Variants in COL21A1 observed in about 807,000 individuals in gnomAD.
The protein encoded by COL21A1 is collagen alpha-1(XXI) chain.
COL21A1 carries 149 observed loss-of-function variants against 137.9 expected under a neutral mutation model. The observed-to-expected ratio is 1.08, with a 90% CI of 0.95 to 1.24. COL21A1 has a LOEUF of 1.24. Among genes scored for constraint, COL21A1 ranks in the 50% most tolerant of loss-of-function variants. The pLI is 0.00. For synonymous variants in COL21A1, 456 were observed against 391.5 expected (o/e 1.16, Z -1.95); for missense variants, 1,167 against 1,158.4 (o/e 1.01, Z -0.11).
intron 7 of COL21A1, 72 bp downstream of exon 7, chr6:56,166,834 T>G (rs1393711169): frequency 9.4e-7 from 1 of 1,067,218 alleles, no homozygotes; most frequent in African/African-American, 1.6e-5. Context: ...ACTCAGATAG[T>G]ATCTGCTTTT....
chr6:56,343,592 C>T (rs1765518097), intron 1 of COL21A1, among the ~76,000 whole-genome samples: 1 of 152,142 alleles, frequency 6.6e-6, no homozygotes, highest in Non-Finnish European at 1.5e-5. Context: ...GAAGTTACTT[C>T]AGCTTGTCTC....
chr6:56,140,466 G>T (rs1173518145), intron 12 of COL21A1, among the ~76,000 whole-genome samples: 1 of 152,106 alleles, frequency 6.6e-6, no homozygotes, highest in Non-Finnish European at 1.5e-5. Context: ...AAATTATTCT[G>T]GGAAAATGTC....
intron 1 of COL21A1, among the ~76,000 whole-genome samples, chr6:56,253,335 A>G (rs1375415276): frequency 7.2e-6 from 1 of 138,776 alleles, no homozygotes; most frequent in African/African-American, 2.5e-5. Flanking sequence ...CAGTGTCCAC[A>G]TGGGACTGGT....
At chr6:56,376,162 G>A (rs1485509563) in intron 1 of COL21A1, among the ~76,000 whole-genome samples, 1 of 152,150 alleles carries the variant, frequency 6.6e-6, no homozygotes, top group African/African-American at 2.4e-5. Context: ...GGTTTTAAGA[G>A]GAAAAAACTA....
At chr6:56,182,442 G>A (rs1465996597) in intron 2 of COL21A1, 89 bp downstream of exon 2, 1 of 800,842 alleles carries the variant, frequency 1.2e-6, no homozygotes, top group Non-Finnish European at 2.1e-6. Flanking sequence ...GTAAGAATGA[G>A]ATCCTTAAAA....
chr6:56,197,528 T>C (rs1779102357), intron 1 of COL21A1, among the ~76,000 whole-genome samples: 1 of 151,968 alleles, frequency 6.6e-6, no homozygotes, highest in Admixed American at 6.6e-5. Context: ...AAAAAACTGA[T>C]TAAAGGATAG....
chr6:56,344,727 C>T (rs56948015), intron 1 of COL21A1, among the ~76,000 whole-genome samples: 13 of 151,788 alleles, frequency 8.6e-5, no homozygotes, highest in African/African-American at 3.1e-4. Flanking sequence ...AGATTTCCCC[C>T]TTGCTGTTCT....
At chr6:56,315,870 CA>C (rs541234127) in intron 1 of COL21A1, among the ~76,000 whole-genome samples, 2 of 151,678 alleles carry the variant, frequency 1.3e-5, no homozygotes, top group African/African-American at 2.4e-5. Flanking sequence ...AATTTCACCA[CA>C]AAAAAAAGAT....
chr6:56,077,613 T>G (rs554764384), intron 17 of COL21A1, 40 bp from the exon 18 acceptor site: 1 of 1,262,326 alleles, frequency 7.9e-7, no homozygotes, highest in Admixed American at 2.3e-5. Context: ...TATAAAAAAT[T>G]GAAGACTTTA....
chr6:56,391,018 C>T (rs979484043), intron 1 of COL21A1, among the ~76,000 whole-genome samples: 1 of 152,176 alleles, frequency 6.6e-6, no homozygotes, highest in African/African-American at 2.4e-5. Flanking sequence ...GCCAAATACA[C>T]ATTCTTCTCC....
At chr6:56,087,364 A>G (rs1768366081) in intron 17 of COL21A1, among the ~76,000 whole-genome samples, 1 of 152,138 alleles carries the variant, frequency 6.6e-6, no homozygotes, top group Non-Finnish European at 1.5e-5. Context: ...GGTCCTCCTT[A>G]TTATACAATC....
At chr6:56,301,040 G>C (rs1326362965) in intron 1 of COL21A1, among the ~76,000 whole-genome samples, 1 of 152,128 alleles carries the variant, frequency 6.6e-6, no homozygotes, top group African/African-American at 2.4e-5. Context: ...GAGGTGGATA[G>C]AAAAGCACAT....
In COL21A1 at chr6:56,238,659, T is replaced by C. The variant is rs369701373; in HGVS notation, c.-39+8728A>G. On this transcript the variant is annotated intron_variant, in intron 1 of 29. Transcript: ENST00000244728. ...GCTTCTGATAGAGCTGCCACTGCCCTGCCACCTTCAGCAGATACCTTTCTC... is the reference window on the plus strand; with the variant it reads ...GCTTCTGATAGAGCTGCCACTGCCCCGCCACCTTCAGCAGATACCTTTCTC... Among the ~76,000 whole-genome samples, 43 of 152,160 alleles carry C rather than the reference T, an allele frequency of 2.8e-4. 1 individual carries two copies. In the South Asian group the frequency reaches 8.7e-3, roughly 31 times the overall value.
chr6:56,278,701 T>G (rs536122543), intron 1 of COL21A1, among the ~76,000 whole-genome samples: 2 of 152,192 alleles, frequency 1.3e-5, no homozygotes, highest in Non-Finnish European at 2.9e-5. Context: ...CACAATCAGA[T>G]GAAGAAAATG....
At chr6:56,260,534 T>C (rs191821840) in intron 1 of COL21A1, among the ~76,000 whole-genome samples, 29 of 145,832 alleles carry the variant, frequency 2.0e-4, no homozygotes, top group South Asian at 1.1e-3. Flanking sequence ...AGACTGAGCA[T>C]CTGCACTTCA....
chr6:56,347,911 T>G (rs1337175721), intron 1 of COL21A1, among the ~76,000 whole-genome samples: 2 of 152,162 alleles, frequency 1.3e-5, no homozygotes, highest in African/African-American at 4.8e-5. Flanking sequence ...GTATTATAAG[T>G]TAAAGAAATT....
At chr6:56,283,891 C>CTCTT (rs1376164497) in intron 1 of COL21A1, among the ~76,000 whole-genome samples, 1 of 152,060 alleles carries the variant, frequency 6.6e-6, no homozygotes, top group African/African-American at 2.4e-5. Context: ...CTCTCTCTCT[C>CTCTT]TCTCTCTCTC....
chr6:56,211,675 T>C (rs1780185523), intron 1 of COL21A1, among the ~76,000 whole-genome samples: 1 of 152,148 alleles, frequency 6.6e-6, no homozygotes, highest in Non-Finnish European at 1.5e-5. Context: ...GAATGTATGA[T>C]ACACATAATT....
rs368078832 is a variant in COL21A1 at position 56,141,794 on chromosome 6, A to G, written c.1533T>C (p.Asp511=). Residue 511 remains aspartate, a synonymous_variant, in exon 12 of 30, where the codon GAT becomes GAC. Coordinates refer to ENST00000244728, the MANE Select transcript of COL21A1 (RefSeq NM_030820.4). ...TTTTGTGTGTGTTTACCTTGTCACC[A>G]TCTCGCCCTGGTTCTCCTTTGTAAC... ...LPGYKGEPGR[D]GDKGDRGLPG... 4 of 1,613,572 alleles carry G rather than the reference A, an allele frequency of 2.5e-6. No individual in the cohort carries two copies. The highest frequency in any genetic ancestry group is 1.3e-5 in the African/African-American group (1 of 74,884).
Sources: allele counts gnomAD v4.1 joint callset (sites outside exome capture counted in the v4.1 genomes callset), GRCh38; gene constraint gnomAD v4.1.1; transcripts MANE v1.5; gene names NCBI Gene and HGNC (gene_info 2026-07-23, HGNC 2026-07-21).